The following MRPL48 variants were observed in gnomAD, a reference collection of about 807,000 sequenced individuals.
MRPL48 encodes large ribosomal subunit protein mL48.
A neutral mutation model predicts 32.9 loss-of-function variants in MRPL48; 16 were observed. That is an observed-to-expected ratio of 0.49 (90% CI 0.33 to 0.74). The LOEUF (loss-of-function observed/expected upper bound fraction) is 0.74. MRPL48 is among the 30% of genes least tolerant of loss of function. MRPL48 has a pLI of 0.02. For synonymous variants in MRPL48, 94 were observed against 89.2 expected (o/e 1.05, Z -0.31); for missense variants, 206 against 245.3 (o/e 0.84, Z 1.07).
chr11:73,811,661 AC>A (rs1947569538), intron 3 of MRPL48, among the ~76,000 whole-genome samples: 1 of 152,144 alleles, frequency 6.6e-6, no homozygotes, highest in African/African-American at 2.4e-5. Context: ...ATCCTTCTCA[AC>A]CATAGGCAAA....
At chr11:73,801,255 C>A (rs1276542662) in intron 1 of MRPL48, among the ~76,000 whole-genome samples, 1 of 152,076 alleles carries the variant, frequency 6.6e-6, no homozygotes, top group African/African-American at 2.4e-5. Context: ...TATGAAGTGA[C>A]CCATTTAAAA....
intron 4 of MRPL48, among the ~76,000 whole-genome samples, chr11:73,837,672 A>G (rs1481923124): frequency 6.6e-6 from 1 of 152,188 alleles, no homozygotes; most frequent in Non-Finnish European, 1.5e-5. Context: ...ATCCTGGGCC[A>G]TCCCTTAGTG....
chr11:73,825,278 TTA>T (rs541179518), intron 3 of MRPL48, among the ~76,000 whole-genome samples: 9 of 136,128 alleles, frequency 6.6e-5, no homozygotes, highest in Middle Eastern at 3.5e-3. Context: ...ACCTTGTTTT[TTA>T]TATATGTGTG....
At chr11:73,797,383 C>T (rs150261324) in intron 1 of MRPL48, among the ~76,000 whole-genome samples, 9 of 152,320 alleles carry the variant, frequency 5.9e-5, no homozygotes, top group African/African-American at 2.2e-4. Flanking sequence ...GAGATGTGCC[C>T]CTTTTTCACC....
intron 4 of MRPL48, among the ~76,000 whole-genome samples, chr11:73,834,620 G>A (rs1473640224): frequency 6.8e-6 from 1 of 148,090 alleles, no homozygotes; most frequent in Admixed American, 6.8e-5. Flanking sequence ...TGCAACCTCC[G>A]CCTCCCGGGT....
At chr11:73,817,369 G>A (rs117559306) in intron 3 of MRPL48, among the ~76,000 whole-genome samples, 1,934 of 152,286 alleles carry the variant, frequency 0.013, 23 homozygotes, top group Middle Eastern at 0.02. Flanking sequence ...ATTTCTGAAA[G>A]TAGAACTATT....
intron 1 of MRPL48, among the ~76,000 whole-genome samples, chr11:73,790,131 G>A (rs1196892913): frequency 2.1e-5 from 3 of 142,974 alleles, no homozygotes; most frequent in African/African-American, 5.2e-5. Flanking sequence ...GTGCAGTGGC[G>A]CGATCTCGGC....
At chr11:73,823,187 G>T in intron 3 of MRPL48, 1 of 236,430 alleles carries the variant, frequency 4.2e-6, no homozygotes. Flanking sequence ...CCTCACATCT[G>T]TGGAAAAATT....
intron 5 of MRPL48, among the ~76,000 whole-genome samples, chr11:73,857,571 C>G (rs73541905): frequency 6.7e-6 from 1 of 150,234 alleles, no homozygotes; most frequent in Non-Finnish European, 1.5e-5. Flanking sequence ...GGAGCCACCA[C>G]GCCTGGCCGC....
At chr11:73,859,788 C>T in intron 5 of MRPL48, 119 bp from the exon 6 acceptor site, 2 of 746,978 alleles carry the variant, frequency 2.7e-6, no homozygotes, top group South Asian at 1.9e-5. Flanking sequence ...TGCAGATAAG[C>T]ATCCCCTACA....
chr11:73,843,097 G>A (rs1590989122), intron 4 of MRPL48: 1 of 152,174 alleles, frequency 6.6e-6, no homozygotes, highest in Non-Finnish European at 1.5e-5. Flanking sequence ...ACAGGTGTCA[G>A]CCACTGTACC....
Position 73,797,019 on chromosome 11 carries a change from G to A in MRPL48, c.22-8008G>A, listed in dbSNP as rs141101060. Among the ~76,000 whole-genome samples, 810 of 152,260 alleles carry A rather than the reference G, an allele frequency of 5.3e-3. 8 individuals are homozygous for A. Among genetic ancestry groups the A allele is most frequent in the African/African-American group, 0.018 (738 of 41,548 alleles). ...GAGACAGAGGTTGCAGTGAGATCAC[G>A]CCATTGCACTCCAGCCTGGGTGAAA... On this transcript the variant is annotated intron_variant, in intron 1 of 7. Coordinates refer to ENST00000310614, the MANE Select transcript of MRPL48 (RefSeq NM_016055.6).
intron 1 of MRPL48, among the ~76,000 whole-genome samples, chr11:73,792,959 G>A (rs1947178733): frequency 6.6e-6 from 1 of 152,222 alleles, no homozygotes; most frequent in African/African-American, 2.4e-5. Context: ...GAGGTTTAGA[G>A]GGATTTACTA....
chr11:73,861,685 A>C lies in MRPL48; in HGVS notation c.475-1487A>C, dbSNP rs138956095. 6.6e-3 allele frequency among the ~76,000 whole-genome samples: 997 copies of C among 152,036 alleles called. 11 individuals are homozygous for C. The highest frequency in any genetic ancestry group is 0.023 in the African/African-American group (956 of 41,492). ...TGCCCGGCCAATGGAGCTAGTTTTA[A>C]TTTCCTAACACTGTTATGCCCCTAT... On this transcript the variant is annotated intron_variant, in intron 6 of 7. Transcript: ENST00000310614.
chr11:73,829,356 CTTTCTTTTTTTT>C lies in MRPL48; in HGVS notation c.201+3571_201+3582del, dbSNP rs1440182344. 3.3e-5 allele frequency among the ~76,000 whole-genome samples: 5 copies of C among 151,872 alleles called. No homozygotes were observed. In the East Asian group the frequency reaches 9.6e-4, roughly 29 times the overall value. Reference sequence around the variant, plus strand: ...TCTCTGCACTAAGTTACTTTTCTTTCTTTCTTTTTTTTTTTCTTTTTTAAATTTGAGACATGG... The same window carrying C: ...TCTCTGCACTAAGTTACTTTTCTTTCTTTCTTTTTTAAATTTGAGACATGG... On this transcript the variant is annotated intron_variant, in intron 4 of 7. Transcript: ENST00000310614.
At chr11:73,835,415 C>G (rs964219203) in intron 4 of MRPL48, among the ~76,000 whole-genome samples, 5 of 152,218 alleles carry the variant, frequency 3.3e-5, no homozygotes, top group African/African-American at 1.2e-4. Flanking sequence ...GCTAGGATTA[C>G]AGGCGTGAGC....
intron 1 of MRPL48, among the ~76,000 whole-genome samples, chr11:73,800,598 C>T (rs1014974118): frequency 1.3e-5 from 2 of 152,106 alleles, no homozygotes; most frequent in Non-Finnish European, 2.9e-5. Flanking sequence ...TCACCATCCT[C>T]CTCTTCCACT....
chr11:73,790,034 T>A (rs916721708), intron 1 of MRPL48, among the ~76,000 whole-genome samples: 16 of 151,498 alleles, frequency 1.1e-4, no homozygotes, highest in African/African-American at 3.6e-4. Flanking sequence ...CAGCGGGGAT[T>A]ACAGGTGTAC....
chr11:73,799,897 T>C (rs185622520), intron 1 of MRPL48, among the ~76,000 whole-genome samples: 11 of 152,312 alleles, frequency 7.2e-5, no homozygotes, highest in Admixed American at 3.9e-4. Context: ...CTATTATCAT[T>C]AGCTATGAAC....
Sources: gnomAD v4.1 joint callset for allele counts (sites outside exome capture counted in the v4.1 genomes callset) on GRCh38, gnomAD v4.1.1 for gene constraint, MANE v1.5 for transcripts, NCBI Gene and HGNC (gene_info 2026-07-23, HGNC 2026-07-21) for gene names.